Variants in KIF2C observed in about 807,000 individuals in gnomAD.
KIF2C encodes kinesin family member 2C, also known as kinesin-like protein KIF2C.
In KIF2C, 34 loss-of-function variants were observed where a neutral mutation model predicts 97.4. The observed-to-expected ratio is 0.35, with a 90% CI of 0.27 to 0.46. The LOEUF is 0.46. Among genes scored for constraint, KIF2C ranks in the 20% least tolerant of loss-of-function variants. The pLI, the probability that KIF2C is intolerant of heterozygous loss-of-function variation, is 1.00. For missense variants in KIF2C, 750 were observed against 907.6 expected (o/e 0.83, Z 2.23); for synonymous variants, 313 against 318.2 (o/e 0.98, Z 0.17).
At chr1:44,762,125 C>T (rs1573575615) in intron 17 of KIF2C, 142 bp downstream of exon 17, 8 of 883,160 alleles carry the variant, frequency 9.1e-6, no homozygotes, top group Admixed American at 7.5e-5. Flanking sequence ...GGAGTTCCGC[C>T]GTGATGCTAG....
In KIF2C at chr1:44,762,382, A is replaced by G. The variant is rs941080557; in HGVS notation, c.1788A>G (p.Gly596=). ...TGAGCCCCCACAGTGGGCCCAGTGG[A>G]GAGCAGTTGATTCAAATGGAAACAG... is the stretch of plus-strand genomic sequence containing the variant. The part of the protein sequence containing the change: ...KELSPHSGPS[G]EQLIQMETEE... Residue 596 remains glycine, a synonymous_variant, in exon 18 of 21, where the codon GGA becomes GGG. Transcript: ENST00000372224. 6.2e-7 allele frequency: 1 copy of G among 1,613,944 alleles called. No homozygotes were observed. The highest frequency in any genetic ancestry group is 8.5e-7 in the Non-Finnish European group (1 of 1,179,990).
chr1:44,745,462 G>GTTTTTTTTTTTT (rs1557589253), intron 2 of KIF2C, among the ~76,000 whole-genome samples: 3 of 42,742 alleles, frequency 7.0e-5, no homozygotes, highest in African/African-American at 1.2e-4. Flanking sequence ...GGTTGTATAT[G>GTTTTTTTTTTTT]TCTTTTTTTT....
At chr1:44,763,020 G>T (rs1201338253) in intron 19 of KIF2C, among the ~76,000 whole-genome samples, 1 of 152,132 alleles carries the variant, frequency 6.6e-6, no homozygotes, top group African/African-American at 2.4e-5. Flanking sequence ...ATGAAGTATA[G>T]GTAATAGGCC....
chr1:44,767,703 T>A lies in KIF2C; in HGVS notation c.*524T>A, dbSNP rs764063285. ...AGGATCCCTACTGTTTTCTGTTTTA[T>A]GTGTTTATACATTGTATGTAACAAT... is the stretch of plus-strand genomic sequence containing the variant. On this transcript the variant is annotated 3_prime_UTR_variant, in exon 21 of 21. Transcript: ENST00000372224. 3 of 161,072 alleles carry A rather than the reference T, an allele frequency of 1.9e-5. No homozygotes were observed. Among genetic ancestry groups the A allele is most frequent in the Non-Finnish European group, 2.8e-5 (2 of 72,662 alleles). The allele number at this position is 161,072 out of a possible 1,614,324, so 10.0% of individuals were successfully genotyped here.
At chr1:44,750,079 C>G (rs1013102669) in intron 4 of KIF2C, among the ~76,000 whole-genome samples, 4 of 68,334 alleles carry the variant, frequency 5.9e-5, no homozygotes, top group Admixed American at 1.6e-4. Flanking sequence ...CGAAACTCCT[C>G]AAAAAAAAAA....
chr1:44,761,974 A>G lies in KIF2C; in HGVS notation c.1742A>G (p.Tyr581Cys), dbSNP rs1014154977. Reference sequence around the variant, plus strand: ...GAATATACTTTAAACACCCTGAGATATGCAGACAGGTACTAGTACCTACAG... The same window carrying G: ...GAATATACTTTAAACACCCTGAGATGTGCAGACAGGTACTAGTACCTACAG... ...SCEYTLNTLR[Y>C]ADRVKELSPH... The change falls in exon 17 of 21, where the codon TAT (tyrosine) becomes TGT (cysteine). Residue 581 changes from tyrosine to cysteine, a missense_variant. Physicochemically the swap from Tyr to Cys is radical, Grantham distance 194. Coordinates refer to ENST00000372224, the MANE Select transcript of KIF2C (RefSeq NM_006845.4). The G allele has an allele frequency of 1.2e-6, 2 of 1,613,890 alleles. No individual in the cohort carries two copies. Among genetic ancestry groups the G allele is most frequent in the African/African-American group, 2.7e-5 (2 of 74,932 alleles).
chr1:44,754,688 T>C, intron 7 of KIF2C, 62 bp from the exon 8 acceptor site: 1 of 939,242 alleles, frequency 1.1e-6, no homozygotes, highest in Non-Finnish European at 1.8e-6. Context: ...TGCTGCCGCA[T>C]AGGGGTCTGA....
intron 13 of KIF2C, chr1:44,758,962 A>G (rs996217217): frequency 3.9e-6 from 2 of 508,314 alleles, no homozygotes; most frequent in South Asian, 2.1e-5. Flanking sequence ...ATGCAAGGCT[A>G]GAGTGGTTAT....
intron 6 of KIF2C, 62 bp from the exon 7 acceptor site, chr1:44,753,671 T>G: frequency 8.6e-7 from 1 of 1,166,216 alleles, no homozygotes; most frequent in Non-Finnish European, 1.2e-6. Flanking sequence ...AAGAGTAGGC[T>G]GGCTTAAACT....
rs1650006804 is a variant in KIF2C at position 44,759,192 on chromosome 1, C to T, written c.1225-14C>T. The T allele has an allele frequency of 1.2e-6, 2 of 1,613,710 alleles. No homozygotes were observed. The highest frequency in any genetic ancestry group is 4.5e-5 in the East Asian group (2 of 44,872). ...GCCCAGTGGCCTTAGCCTCATTCCC[C>T]CTGCCTGGCACAGCTGTTTGACCTG... is the stretch of plus-strand genomic sequence containing the variant. On this transcript the variant is annotated splice_polypyrimidine_tract_variant and intron_variant, in intron 13 of 20. Coordinates refer to ENST00000372224, the MANE Select transcript of KIF2C (RefSeq NM_006845.4).
intron 2 of KIF2C, among the ~76,000 whole-genome samples, chr1:44,741,379 C>CAAAAA (rs764626810): frequency 1.7e-5 from 1 of 58,492 alleles, no homozygotes; most frequent in Non-Finnish European, 3.5e-5. Context: ...GAATCTGTCT[C>CAAAAA]AAAAAAAAAA....
At chr1:44,747,927 C>G (rs1649301716) in intron 4 of KIF2C, among the ~76,000 whole-genome samples, 1 of 152,194 alleles carries the variant, frequency 6.6e-6, no homozygotes, top group Non-Finnish European at 1.5e-5. Flanking sequence ...GCCTAGAAAC[C>G]TTTTCTGTAG....
At chr1:44,749,348 C>T (rs1573556981) in intron 4 of KIF2C, among the ~76,000 whole-genome samples, 3 of 152,064 alleles carry the variant, frequency 2.0e-5, no homozygotes, top group African/African-American at 2.4e-5. Context: ...GCAGGAGAAT[C>T]GTTTGAGCCC....
At chr1:44,747,830 G>T in intron 4 of KIF2C, 130 bp downstream of exon 4, 1 of 733,228 alleles carries the variant, frequency 1.4e-6, no homozygotes. Flanking sequence ...TGTGTTCCAA[G>T]CATCTTTCTC....
chr1:44,740,049 C>G, intron 1 of KIF2C, 47 bp downstream of exon 1: 3 of 1,608,628 alleles, frequency 1.9e-6, no homozygotes, highest in East Asian at 2.2e-5. Flanking sequence ...AGCGGTGAGA[C>G]GACTGAAATT....
intron 5 of KIF2C, among the ~76,000 whole-genome samples, chr1:44,751,356 C>T (rs368976943): frequency 5.3e-5 from 8 of 151,804 alleles, no homozygotes; most frequent in East Asian, 1.9e-4. Context: ...CCACCACGCC[C>T]GGCTAATTTT....
At position 44,760,854 on chromosome 1, in the gene KIF2C, T is replaced by C; in HGVS notation, c.1683+152T>C. ...GTGACTGGGCTTCCAGACCCTGCTT[T>C]AATGCACGAGACTCCTTGTGGCCTA... On this transcript the variant is annotated intron_variant, in intron 16 of 20. Transcript: ENST00000372224. This position sits in a 1 kb window ranked among gnomAD's most constrained non-coding sequence, Gnocchi z 4.2. The C allele has an allele frequency of 3.2e-6, 2 of 634,766 alleles. No individual in the cohort carries two copies. Among genetic ancestry groups the C allele is most frequent in the East Asian group, 5.5e-5 (2 of 36,458 alleles). The allele number at this position is 634,766 out of a possible 1,614,324, so 39.3% of individuals were successfully genotyped here. A position where few individuals can be genotyped will look rare whatever the true frequency, so the allele number is the denominator to read the frequency against.
rs1031875532 is a variant in KIF2C, at chr1:44,754,906, C to G, written c.759+61C>G. ...TACAATTGAGAGACAGAAAACTTCT[C>G]TTTACAGGAATGAGGGCATGCAGGA... is the stretch of plus-strand genomic sequence containing the variant. On this transcript the variant is annotated intron_variant, in intron 8 of 20. Coordinates refer to ENST00000372224, the MANE Select transcript of KIF2C (RefSeq NM_006845.4). 13 of 1,032,224 alleles carry G rather than the reference C, an allele frequency of 1.3e-5. No homozygotes were observed. In the East Asian group the frequency reaches 3.1e-4, roughly 25 times the overall value. 63.9% of individuals were successfully genotyped at this position (1,032,224 alleles called of 1,614,324 possible).
At chr1:44,759,407 C>T in intron 14 of KIF2C, 59 bp downstream of exon 14, 1 of 1,597,210 alleles carries the variant, frequency 6.3e-7, no homozygotes, top group African/African-American at 1.3e-5. Flanking sequence ...TGAGTAAAGT[C>T]TAGCTCTGAG....
Sources: gnomAD v4.1 joint callset for allele counts (sites outside exome capture counted in the v4.1 genomes callset) on GRCh38, gnomAD v4.1.1 for gene constraint, Gnocchi (gnomAD v3.1) non-coding constraint, MANE v1.5 for transcripts, NCBI Gene and HGNC (gene_info 2026-07-23, HGNC 2026-07-21) for gene names.